AADAT: variants seen among roughly 807,000 people sequenced by gnomAD.
AADAT encodes the protein aminoadipate aminotransferase.
AADAT carries 25 observed loss-of-function variants against 56.2 expected under a neutral mutation model. That is an observed-to-expected ratio of 0.44 (90% CI 0.32 to 0.62). The LOEUF is 0.62. Among genes scored for constraint, AADAT ranks in the 20% least tolerant of loss-of-function variants. AADAT has a pLI of 0.04. For missense variants in AADAT, 387 were observed against 510.5 expected, an observed-to-expected ratio of 0.76 and a Z score of 2.33; for synonymous variants, 173 against 164.7, an observed-to-expected ratio of 1.05 and a Z score of -0.39.
In AADAT at chr4:170,068,688, C is replaced by A; in HGVS notation, c.804-1G>T. On this transcript the variant is annotated splice_acceptor_variant, in intron 7 of 12. Transcript: ENST00000337664. LOFTEE classifies it high-confidence loss of function. ...ACCAGTTAAAAATCCTATTCTCAAC[C>A]TACGTGGAAAGAGAAAAGGCACGAT... 1 of 1,577,924 alleles carries A rather than the reference C, an allele frequency of 6.3e-7. No individual in the cohort carries two copies. Among genetic ancestry groups the A allele is most frequent in the South Asian group, 1.2e-5 (1 of 84,884 alleles).
intron 5 of AADAT, among the ~76,000 whole-genome samples, chr4:170,071,097 G>C (rs1731740996): frequency 6.6e-6 from 1 of 152,166 alleles, no homozygotes; most frequent in South Asian, 2.1e-4. Flanking sequence ...ATTTTTGGTA[G>C]AGATGGGGTT....
intron 4 of AADAT, among the ~76,000 whole-genome samples, chr4:170,075,541 T>C (rs1242487040): frequency 6.6e-6 from 1 of 152,222 alleles, no homozygotes; most frequent in Non-Finnish European, 1.5e-5. Flanking sequence ...ACTCCTGACC[T>C]CAAGTAATCC....
rs141571124 is a variant in AADAT at position 170,066,764 on chromosome 4, GTTGTCTAAATAC to G, written c.963-298_963-287del. 7.7e-3 allele frequency among the ~76,000 whole-genome samples: 1,172 copies of G among 152,174 alleles called. 20 individuals are homozygous for G. Among genetic ancestry groups the G allele is most frequent in the African/African-American group, 0.027 (1,118 of 41,528 alleles). On this transcript the variant is annotated intron_variant, in intron 9 of 12. Transcript: ENST00000337664. ...GTAGCAGGATCAATCTTTGTGTTTA[GTTGTCTAAATAC>G]TGGTTCTCATCACTCAGGATAAAAG... is the stretch of plus-strand genomic sequence containing the variant.
chr4:170,061,768 C>A, intron 12 of AADAT, 124 bp downstream of exon 12: 1 of 606,682 alleles, frequency 1.6e-6, no homozygotes, highest in Non-Finnish European at 2.6e-6. Flanking sequence ...GACTGGTCAA[C>A]AAATATCTGA....
At chr4:170,092,343 TA>T (rs1732889516), upstream of AADAT, among the ~76,000 whole-genome samples, 1 of 151,734 alleles carries the variant, frequency 6.6e-6, no homozygotes, top group African/African-American at 2.4e-5. Context: ...CAGGGAGGAG[TA>T]AACAAATCCA....
intron 4 of AADAT, among the ~76,000 whole-genome samples, chr4:170,078,101 G>A (rs896150065): frequency 6.6e-6 from 1 of 152,092 alleles, no homozygotes; most frequent in Admixed American, 6.6e-5. Context: ...ATGGAAAGTC[G>A]TCATTATACC....
At position 170,073,715 on chromosome 4, in the gene AADAT, G is replaced by A. The variant is rs138744369; in HGVS notation, c.445-370C>T. On this transcript the variant is annotated intron_variant, in intron 4 of 12. Transcript: ENST00000337664. The stretch of plus-strand genomic sequence containing the variant: ...GGGGTTTCACCATGTTAGCCAGGAT[G>A]GTCTGGATCTCCTGACCTCGTGATC... 9.2e-3 allele frequency among the ~76,000 whole-genome samples: 1,401 copies of A among 152,096 alleles called. 11 individuals are homozygous for A. The highest frequency in any genetic ancestry group is 0.014 in the Non-Finnish European group (948 of 67,994).
At chr4:170,087,497 T>G (rs1732619857) in intron 2 of AADAT, among the ~76,000 whole-genome samples, 1 of 152,206 alleles carries the variant, frequency 6.6e-6, no homozygotes, top group Non-Finnish European at 1.5e-5. Flanking sequence ...GAGCTGAGAT[T>G]TGAATCTACA....
chr4:170,064,856 C>A (rs779837931), intron 10 of AADAT, 31 bp from the exon 11 acceptor site: 1 of 1,582,732 alleles, frequency 6.3e-7, no homozygotes, highest in South Asian at 1.2e-5. Flanking sequence ...TAAATGTCTT[C>A]CAAAGGAAGG....
At chr4:170,084,053 T>C (rs935591493) in intron 3 of AADAT, among the ~76,000 whole-genome samples, 1 of 152,048 alleles carries the variant, frequency 6.6e-6, no homozygotes, top group African/African-American at 2.4e-5. Flanking sequence ...TATTCAACCA[T>C]AAAAAAGGAA....
At chr4:170,071,609 G>A (rs6854291) in intron 5 of AADAT, among the ~76,000 whole-genome samples, 9,107 of 152,244 alleles carry the variant, frequency 0.06, 370 homozygotes, top group Non-Finnish European at 0.091. Context: ...AGGAGAACCC[G>A]GAGCCGGGCT....
intron 7 of AADAT, 101 bp downstream of exon 7, chr4:170,069,047 C>T: frequency 1.0e-6 from 1 of 964,132 alleles, no homozygotes; most frequent in Non-Finnish European, 1.5e-6. Context: ...AAGTAGACTA[C>T]AAGCATTTTA....
upstream of AADAT, among the ~76,000 whole-genome samples, chr4:170,093,366 G>A (rs1732923216): frequency 2.0e-5 from 3 of 152,100 alleles, no homozygotes; most frequent in Admixed American, 2.0e-4. Context: ...GGAGGCGGAG[G>A]TTGGAGTCAG....
chr4:170,065,291 T>C (rs948404527), intron 10 of AADAT, among the ~76,000 whole-genome samples: 1 of 152,200 alleles, frequency 6.6e-6, no homozygotes, highest in Non-Finnish European at 1.5e-5. Context: ...TGTAATTAAT[T>C]ATGAAAAGAA....
In AADAT at chr4:170,072,911, TA is replaced by T. The variant is rs576985175; in HGVS notation, c.654+224del. 1.7e-4 allele frequency among the ~76,000 whole-genome samples: 26 copies of T among 152,310 alleles called. No individual in the cohort carries two copies. In the East Asian group the frequency reaches 4.4e-3, roughly 26 times the overall value. ...GCCAAGAATGCTGTTTCTTTTATAT[TA>T]AAACATCAATTATGGGGAAAGAAAA... On this transcript the variant is annotated intron_variant, in intron 5 of 12. Transcript: ENST00000337664.
In AADAT at chr4:170,088,855, GCCACGTGAGGACATAGGTTCTCCCTTCTA is replaced by G. The variant is rs1326179875; in HGVS notation, c.68-320_68-292del. 3.9e-5 allele frequency among the ~76,000 whole-genome samples: 6 copies of G among 152,242 alleles called. No individual in the cohort carries two copies. In the East Asian group the frequency reaches 1.2e-3, roughly 29 times the overall value. On this transcript the variant is annotated intron_variant, in intron 1 of 12. Transcript: ENST00000337664. ...CTGAGGGAATGCCCTTGGCCCTTCTGCCACGTGAGGACATAGGTTCTCCCTTCTACCACGTGAGGATGCAGCAAGATGGC... is the reference window on the plus strand; with the variant it reads ...CTGAGGGAATGCCCTTGGCCCTTCTGCCACGTGAGGATGCAGCAAGATGGC...
chr4:170,070,642 T>G lies in AADAT; in HGVS notation c.665A>C (p.Lys222Thr). 3 of 1,570,008 alleles carry G rather than the reference T, an allele frequency of 1.9e-6. No homozygotes were observed. Among genetic ancestry groups the G allele is most frequent in the Non-Finnish European group, 2.6e-6 (3 of 1,148,766 alleles). ...ATCTTCTATTATGAGGAAATCATAT[T>G]TTCTTGCAAGCTAAAAAAGGTTGAA... ...RKKEIYELAR[K>T]YDFLIIEDDP... The change falls in exon 6 of 13, where the codon AAA becomes ACA. Residue 222 changes from lysine (K) to threonine (T), a missense_variant. Lys to Thr is a moderately conservative substitution (Grantham distance 78). Transcript: ENST00000337664.
chr4:170,075,476 A>C (rs1731987454), intron 4 of AADAT, among the ~76,000 whole-genome samples: 1 of 152,156 alleles, frequency 6.6e-6, no homozygotes, highest in African/African-American at 2.4e-5. Context: ...TTAATTAAAC[A>C]AACAAAAAAA....
intron 11 of AADAT, among the ~76,000 whole-genome samples, chr4:170,063,616 A>G (rs1731303160): frequency 6.6e-6 from 1 of 152,222 alleles, no homozygotes; most frequent in Non-Finnish European, 1.5e-5. Context: ...CTAAGAGAGG[A>G]TAATAGCTTT....
Sources: gnomAD v4.1 joint callset for allele counts (sites outside exome capture counted in the v4.1 genomes callset) on GRCh38, gnomAD v4.1.1 for gene constraint, MANE v1.5 for transcripts, NCBI Gene and HGNC (gene_info 2026-07-23, HGNC 2026-07-21) for gene names.